The following CACNA2D1 variants were observed in gnomAD, a reference collection of about 807,000 sequenced individuals.
CACNA2D1 encodes calcium voltage-gated channel auxiliary subunit alpha2delta 1.
Under a neutral mutation model 171.5 loss-of-function variants are expected in CACNA2D1, and 53 were observed. That is an observed-to-expected ratio of 0.31 (90% CI 0.25 to 0.39). CACNA2D1 has a LOEUF of 0.39. Among genes scored for constraint, CACNA2D1 ranks in the 10% least tolerant of loss-of-function variants. The pLI is 1.00. For missense variants in CACNA2D1, 903 were observed against 1,299.8 expected, an observed-to-expected ratio of 0.69 and a Z score of 4.69; for synonymous variants, 442 against 443.1, an observed-to-expected ratio of 1.00 and a Z score of 0.03.
chr7:82,068,971 C>A (rs575056066), intron 7 of CACNA2D1, among the ~76,000 whole-genome samples: 6 of 151,874 alleles, frequency 4.0e-5, no homozygotes, highest in Admixed American at 6.6e-5. Flanking sequence ...TTGTTTATAA[C>A]CTTAGGTGGT....
intron 16 of CACNA2D1, 70 bp downstream of exon 16, chr7:82,007,609 T>G: frequency 1.2e-6 from 1 of 844,738 alleles, no homozygotes; most frequent in African/African-American, 1.7e-5. Flanking sequence ...TGGAAATATC[T>G]TATCCATGTT....
intron 4 of CACNA2D1, among the ~76,000 whole-genome samples, chr7:82,143,353 C>T (rs10486944): frequency 0.1 from 15,401 of 151,838 alleles, 973 homozygotes; most frequent in Middle Eastern, 0.24. Context: ...ATATATGCCC[C>T]GTAATTGTTA....
intron 38 of CACNA2D1, among the ~76,000 whole-genome samples, chr7:81,958,257 T>TATTA (rs1793674058): frequency 1.3e-5 from 2 of 152,116 alleles, no homozygotes; most frequent in South Asian, 4.1e-4. Context: ...TTTTAATTTA[T>TATTA]ATTATCTAAT....
At chr7:82,215,169 C>T (rs1800969065) in intron 3 of CACNA2D1, among the ~76,000 whole-genome samples, 1 of 152,186 alleles carries the variant, frequency 6.6e-6, no homozygotes, top group African/African-American at 2.4e-5. Flanking sequence ...AGATACCACA[C>T]CCAGACAAGA....
intron 3 of CACNA2D1, among the ~76,000 whole-genome samples, chr7:82,327,453 C>T (rs1384899336): frequency 6.6e-6 from 1 of 152,194 alleles, no homozygotes; most frequent in Non-Finnish European, 1.5e-5. Flanking sequence ...AACATTATGC[C>T]TTTCAGGTTC....
At chr7:81,984,547 C>A (rs1308153389) in intron 22 of CACNA2D1, 88 bp downstream of exon 22, 6 of 759,670 alleles carry the variant, frequency 7.9e-6, no homozygotes, top group Non-Finnish European at 1.2e-5. Context: ...ATTTCATAAG[C>A]CTTGGGTATT....
rs889015018 is a variant in CACNA2D1, at chr7:82,079,553, A to G, written c.658+5216T>C. 1.3e-5 allele frequency among the ~76,000 whole-genome samples: 2 copies of G among 151,876 alleles called. 1 individual carries two copies. The highest frequency in any genetic ancestry group is 1.3e-4 in the Admixed American group (2 of 15,218). On this transcript the variant is annotated intron_variant, in intron 7 of 38. Coordinates refer to ENST00000356860, the MANE Select transcript of CACNA2D1 (RefSeq NM_000722.4). Reference sequence around the variant, plus strand: ...CTAATAATACAAAAATTAGCCAGGCATGGTGGCATGCATCTGTAATCCCTG... The same window carrying G: ...CTAATAATACAAAAATTAGCCAGGCGTGGTGGCATGCATCTGTAATCCCTG...
chr7:82,056,879 T>C (rs1805969372), intron 10 of CACNA2D1, among the ~76,000 whole-genome samples: 1 of 152,010 alleles, frequency 6.6e-6, no homozygotes, highest in Non-Finnish European at 1.5e-5. Context: ...GAATAACATC[T>C]CAAACTAAGC....
chr7:82,063,313 T>C (rs1418121733), intron 9 of CACNA2D1, among the ~76,000 whole-genome samples: 2 of 152,182 alleles, frequency 1.3e-5, no homozygotes, highest in Admixed American at 6.6e-5. Flanking sequence ...ATAAGATCCA[T>C]AATTTAATTA....
At chr7:81,977,698 A>C (rs1795993715) in intron 24 of CACNA2D1, among the ~76,000 whole-genome samples, 1 of 152,168 alleles carries the variant, frequency 6.6e-6, no homozygotes, top group Non-Finnish European at 1.5e-5. Flanking sequence ...TTCATAACTA[A>C]AACACCAAAA....
intron 4 of CACNA2D1, among the ~76,000 whole-genome samples, chr7:82,170,056 C>T (rs1795856562): frequency 6.6e-6 from 1 of 151,404 alleles, no homozygotes; most frequent in Non-Finnish European, 1.5e-5. Flanking sequence ...AGAGAGATTA[C>T]TTCTAGCTAA....
intron 3 of CACNA2D1, among the ~76,000 whole-genome samples, chr7:82,242,230 A>G (rs1804392187): frequency 1.3e-5 from 2 of 152,154 alleles, no homozygotes; most frequent in Admixed American, 1.3e-4. Context: ...AAGGGAGCGT[A>G]TAAGAACAGT....
At position 82,071,118 on chromosome 7, in the gene CACNA2D1, A is replaced by G. The variant is rs147172471; in HGVS notation, c.659-4594T>C. Among the ~76,000 whole-genome samples, 40 of 152,284 alleles carry G rather than the reference A, an allele frequency of 2.6e-4. 1 individual carries two copies. The East Asian group carries it at 4.1e-3, about 15-fold the overall frequency. On this transcript the variant is annotated intron_variant, in intron 7 of 38. Coordinates refer to ENST00000356860, the MANE Select transcript of CACNA2D1 (RefSeq NM_000722.4). ...GAAACCACAAACCTGATCTGCGGCA[A>G]TGCTGTAGTTGAACCCTAAAGCAAC...
intron 3 of CACNA2D1, among the ~76,000 whole-genome samples, chr7:82,334,749 T>C (rs1817782981): frequency 6.6e-6 from 1 of 152,086 alleles, no homozygotes; most frequent in South Asian, 2.1e-4. Context: ...GGTGATGGAA[T>C]AAGAGACTAT....
intron 3 of CACNA2D1, among the ~76,000 whole-genome samples, chr7:82,225,747 C>T (rs1181378335): frequency 6.6e-6 from 1 of 152,122 alleles, no homozygotes; most frequent in African/African-American, 2.4e-5. Context: ...CTTAAAGTTG[C>T]TGGTTTCAGT....
chr7:82,203,552 G>A (rs576001368), intron 3 of CACNA2D1, among the ~76,000 whole-genome samples: 13 of 152,142 alleles, frequency 8.5e-5, no homozygotes, highest in Admixed American at 7.9e-4. Context: ...ATGATGGTGC[G>A]GCTGAGACCA....
chr7:82,020,842 G>A (rs934178000), intron 12 of CACNA2D1: 31 of 152,000 alleles, frequency 2.0e-4, no homozygotes, highest in Admixed American at 4.6e-4. Flanking sequence ...AGTGTCTGAC[G>A]GAGAGAAGAA....
chr7:82,315,292 A>G (rs538735282), intron 3 of CACNA2D1, among the ~76,000 whole-genome samples: 7 of 152,110 alleles, frequency 4.6e-5, no homozygotes, highest in Non-Finnish European at 1.0e-4. Context: ...TTTAAACAGT[A>G]GGGTTATTGA....
intron 31 of CACNA2D1, 135 bp downstream of exon 31, chr7:81,967,034 T>A: frequency 1.5e-6 from 1 of 648,336 alleles, no homozygotes; most frequent in Non-Finnish European, 2.7e-6. Flanking sequence ...CAAATGAATA[T>A]ATTATTTCAC....
Sources: gnomAD v4.1 joint callset for allele counts (sites outside exome capture counted in the v4.1 genomes callset) on GRCh38, gnomAD v4.1.1 for gene constraint, MANE v1.5 for transcripts, NCBI Gene and HGNC (gene_info 2026-07-23, HGNC 2026-07-21) for gene names.